Variants in ADAMTS2 observed in about 807,000 individuals in gnomAD.
The protein encoded by ADAMTS2 is A disintegrin and metalloproteinase with thrombospondin motifs 2.
In ADAMTS2, 50 loss-of-function variants were observed where a neutral mutation model predicts 123.0. The observed-to-expected ratio is 0.41, with a 90% CI of 0.32 to 0.51. The LOEUF is 0.51. Among genes scored for constraint, ADAMTS2 ranks in the 20% least tolerant of loss-of-function variants. ADAMTS2 has a pLI of 0.35. For missense variants in ADAMTS2, 1,494 were observed against 1,705.2 expected (o/e 0.88, Z 2.18); for synonymous variants, 678 against 695.4 (o/e 0.98, Z 0.39).
chr5:179,145,302 T>C (rs1298590737), intron 10 of ADAMTS2, among the ~76,000 whole-genome samples: 1 of 152,198 alleles, frequency 6.6e-6, no homozygotes, highest in African/African-American at 2.4e-5. Context: ...ACAGGCTGCT[T>C]TGGGAAACTG....
intron 10 of ADAMTS2, among the ~76,000 whole-genome samples, chr5:179,148,844 C>T (rs1298842970): frequency 1.3e-5 from 2 of 152,306 alleles, no homozygotes; most frequent in South Asian, 2.1e-4. Context: ...CCCTCCCAGA[C>T]GGAGGGGGGT....
chr5:179,203,786 T>G (rs1287570849), intron 4 of ADAMTS2, among the ~76,000 whole-genome samples: 1 of 152,230 alleles, frequency 6.6e-6, no homozygotes, highest in East Asian at 1.9e-4. Flanking sequence ...ACAGCCACTG[T>G]GGGAAACAGC....
At chr5:179,174,080 C>T (rs1042034672) in intron 5 of ADAMTS2, among the ~76,000 whole-genome samples, 3 of 151,890 alleles carry the variant, frequency 2.0e-5, no homozygotes, top group African/African-American at 7.2e-5. Context: ...TGCTACATTT[C>T]CTTAGAATAT....
At chr5:179,209,510 G>GCACACACACATGCACA (rs996759691) in intron 3 of ADAMTS2, among the ~76,000 whole-genome samples, 1 of 137,988 alleles carries the variant, frequency 7.2e-6, no homozygotes, top group African/African-American at 2.8e-5. Context: ...TCCCCTCGGC[G>GCACACACACATGCACA]CACACACACA....
intron 4 of ADAMTS2, among the ~76,000 whole-genome samples, chr5:179,199,305 G>A (rs1020646027): frequency 6.6e-6 from 1 of 152,166 alleles, no homozygotes; most frequent in Non-Finnish European, 1.5e-5. Flanking sequence ...CCCCCAGCAG[G>A]GGCAGGATCA....
rs1288478242 is a variant in ADAMTS2 at position 179,128,059 on chromosome 5, G to A, written c.2517C>T (p.Asp839=). The A allele has an allele frequency of 1.2e-6, 2 of 1,613,934 alleles. No individual in the cohort carries two copies. Among genetic ancestry groups the A allele is most frequent in the Admixed American group, 1.7e-5 (1 of 60,006 alleles). The change falls in exon 17 of 22, where the codon GAC becomes GAT. Residue 839 remains aspartate, a synonymous_variant. Transcript: ENST00000251582. The surrounding 1 kb of genome is among the most constrained non-coding windows in gnomAD (Gnocchi z 4.9). ...CGTTGTTGTCGTCGACATTCAGTGA[G>A]TCCTCATGGATCATGTATTTGTACG... ...SLTYKYMIHE[D]SLNVDDNNVL...
At chr5:179,277,319 A>ACCC (rs139978660) in intron 2 of ADAMTS2, among the ~76,000 whole-genome samples, 4 of 62,664 alleles carry the variant, frequency 6.4e-5, no homozygotes, top group African/African-American at 1.2e-4. Context: ...CCAAAGGCTG[A>ACCC]CACCCCGAGA....
intron 12 of ADAMTS2, 55 bp downstream of exon 12, chr5:179,137,714 C>CCCCCCCAAGGG: frequency 2.3e-6 from 3 of 1,297,872 alleles, no homozygotes; most frequent in Non-Finnish European, 2.1e-6. Context: ...CCCCACCCTG[C>CCCCCCCAAGGG]CCACCCTAGG....
chr5:179,307,047 A>T lies in ADAMTS2; in HGVS notation c.535-33983T>A, dbSNP rs1316653849. Reference sequence around the variant, plus strand: ...ATCAACCCTGGGCCTGAGTCCTTGGAGGTGAGGCCAGCACGTAGTAGAGGG... The same window carrying T: ...ATCAACCCTGGGCCTGAGTCCTTGGTGGTGAGGCCAGCACGTAGTAGAGGG... On this transcript the variant is annotated intron_variant, in intron 2 of 21. Transcript: ENST00000251582. This position sits in a 1 kb window ranked among gnomAD's most constrained non-coding sequence, Gnocchi z 5.6. Among the ~76,000 whole-genome samples, 1 of 151,974 alleles carries T rather than the reference A, an allele frequency of 6.6e-6. No homozygotes were observed. The highest frequency in any genetic ancestry group is 1.9e-4 in the East Asian group (1 of 5,162).
At position 179,175,687 on chromosome 5, in the gene ADAMTS2, G is replaced by A. The variant is rs938301708; in HGVS notation, c.975+5385C>T. Among the ~76,000 whole-genome samples the A allele has an allele frequency of 2.6e-5, 4 of 152,190 alleles. No individual in the cohort carries two copies. The highest frequency in any genetic ancestry group is 1.9e-4 in the East Asian group (1 of 5,200). On this transcript the variant is annotated intron_variant, in intron 5 of 21. Transcript: ENST00000251582. The surrounding 1 kb of genome is among the most constrained non-coding windows in gnomAD (Gnocchi z 4.1). ...CTCTCCTAACTCTACAAGTTGTACC[G>A]TGGATTCTTTTAGGTTTTCCCGACA... is the stretch of plus-strand genomic sequence containing the variant.
intron 3 of ADAMTS2, among the ~76,000 whole-genome samples, chr5:179,217,328 C>G (rs1042926549): frequency 6.6e-6 from 1 of 152,208 alleles, no homozygotes; most frequent in Non-Finnish European, 1.5e-5. Flanking sequence ...GACAGCAACA[C>G]TCATGTTGCA....
At chr5:179,264,697 G>T (rs766843742) in intron 3 of ADAMTS2, among the ~76,000 whole-genome samples, 6 of 152,232 alleles carry the variant, frequency 3.9e-5, no homozygotes, top group Non-Finnish European at 7.3e-5. Flanking sequence ...AGGGAAAGGG[G>T]ACGGAGAGCA....
rs200504785 is a variant in ADAMTS2, at chr5:179,233,044, G to C, written c.689-25329C>G. ...TCACCCTTCAAACTCAAGTGAAAAA[G>C]GTTTGCCGTAGTTAAAGGCTGCTGA... On this transcript the variant is annotated intron_variant, in intron 3 of 21. Transcript: ENST00000251582. 3.3e-5 allele frequency among the ~76,000 whole-genome samples: 5 copies of C among 152,160 alleles called. No individual in the cohort carries two copies. In the East Asian group the frequency reaches 9.6e-4, roughly 29 times the overall value.
At chr5:179,259,579 G>A (rs1581226627) in intron 3 of ADAMTS2, among the ~76,000 whole-genome samples, 1 of 152,210 alleles carries the variant, frequency 6.6e-6, no homozygotes, top group East Asian at 1.9e-4. Context: ...GCATCCCCAG[G>A]GCAGAGGCTG....
In ADAMTS2 at chr5:179,284,194, T is replaced by C. The variant is rs547535839; in HGVS notation, c.535-11130A>G. 3.6e-4 allele frequency among the ~76,000 whole-genome samples: 54 copies of C among 150,146 alleles called. 1 individual carries two copies. Among genetic ancestry groups the C allele is most frequent in the Admixed American group, 4.6e-4 (7 of 15,114 alleles). On this transcript the variant is annotated intron_variant, in intron 2 of 21. Coordinates refer to ENST00000251582, the MANE Select transcript of ADAMTS2 (RefSeq NM_014244.5). ...AAACACAAAAATTAGCCGGGCTTGG[T>C]GGTACGCGCCTGTGGTCCCAGCTGC... is the stretch of plus-strand genomic sequence containing the variant.
In ADAMTS2 at chr5:179,249,764, C is replaced by T. The variant is rs866278146; in HGVS notation, c.688+23147G>A. On this transcript the variant is annotated intron_variant, in intron 3 of 21. Coordinates refer to ENST00000251582, the MANE Select transcript of ADAMTS2 (RefSeq NM_014244.5). ...GAGCTTGAATCAGTCATCAAAAACT[C>T]CCAATAAAGAAAAACCTAGGACCAG... Among the ~76,000 whole-genome samples the T allele has an allele frequency of 3.9e-5, 6 of 152,190 alleles. No homozygotes were observed. The South Asian group carries it at 1.2e-3, about 32-fold the overall frequency.
intron 2 of ADAMTS2, among the ~76,000 whole-genome samples, chr5:179,282,790 C>T (rs1379729048): frequency 4.6e-5 from 7 of 152,142 alleles, no homozygotes; most frequent in Admixed American, 1.3e-4. Context: ...AAACCAAGGG[C>T]TTGGTCAGGC....
intron 2 of ADAMTS2, among the ~76,000 whole-genome samples, chr5:179,299,314 G>C (rs1390078572): frequency 9.0e-6 from 1 of 110,582 alleles, no homozygotes; most frequent in Non-Finnish European, 1.9e-5. Context: ...CGGATCACGA[G>C]GTCAGGAGAT....
intron 4 of ADAMTS2, among the ~76,000 whole-genome samples, chr5:179,206,059 G>A (rs557279076): frequency 1.1e-4 from 17 of 152,226 alleles, no homozygotes; most frequent in South Asian, 2.1e-4. Context: ...GCACCCGGCC[G>A]TTATTATGAT....
Sources: allele counts gnomAD v4.1 joint callset (sites outside exome capture counted in the v4.1 genomes callset), GRCh38; gene constraint gnomAD v4.1.1; non-coding constraint Gnocchi (gnomAD v3.1); transcripts MANE v1.5; gene names NCBI Gene and HGNC (gene_info 2026-07-23, HGNC 2026-07-21).